PRG4: variants seen among roughly 807,000 people sequenced by gnomAD.
The protein encoded by PRG4 is proteoglycan 4, also known as articular superficial zone protein.
In PRG4, 61 loss-of-function variants were observed where a neutral mutation model predicts 91.2. The ratio of observed to expected loss-of-function variants is 0.67; its 90% CI spans 0.54 to 0.83. The LOEUF is 0.83. Among genes scored for constraint, PRG4 ranks in the 40% least tolerant of loss-of-function variants. The pLI is 0.00. For synonymous variants in PRG4, 576 were observed against 614.2 expected (o/e 0.94, Z 0.92); for missense variants, 1,564 against 1,714.2 (o/e 0.91, Z 1.55).
At position 186,308,560 on chromosome 1, in the gene PRG4, A is replaced by C. The variant is rs1416792397; in HGVS notation, c.2841A>C (p.Lys947Asn). The C allele has an allele frequency of 1.2e-6, 2 of 1,613,662 alleles. No individual in the cohort carries two copies. The highest frequency in any genetic ancestry group is 2.2e-5 in the South Asian group (2 of 91,070). Residue 947 changes from lysine (K) to asparagine (N), a missense_variant, in exon 7 of 13, where the codon AAA (lysine) becomes AAC (asparagine). Transcript: ENST00000445192. ...MTKETATTTE[K>N]TTESKITATT... ...AAGAGACAGCAACTACAACAGAAAA[A>C]ACTACCGAATCCAAAATAACAGCTA...
intron 4 of PRG4, among the ~76,000 whole-genome samples, 188 bp downstream of exon 4, chr1:186,301,899 C>A (rs776998631): frequency 6.6e-6 from 1 of 152,138 alleles, no homozygotes; most frequent in Non-Finnish European, 1.5e-5. Context: ...AACAGCAGAA[C>A]CCCCAGGCTC....
intron 4 of PRG4, among the ~76,000 whole-genome samples, chr1:186,303,065 C>A (rs973742914): frequency 1.3e-5 from 2 of 152,130 alleles, no homozygotes; most frequent in South Asian, 2.1e-4. Flanking sequence ...AATAACCAAA[C>A]TATCTTGAGA....
chr1:186,306,646 G>C lies in PRG4; in HGVS notation c.927G>C (p.Glu309Asp), dbSNP rs1553223284. 8 of 1,613,482 alleles carry C rather than the reference G, an allele frequency of 5.0e-6. No individual in the cohort carries two copies. Among genetic ancestry groups the C allele is most frequent in the Non-Finnish European group, 5.9e-6 (7 of 1,179,690 alleles). ...DGKEKTTSAKETQSIEKTSAK... is the reference protein window; with the variant it reads ...DGKEKTTSAKDTQSIEKTSAK... ...AAGAGAAGACTACTTCCGCTAAAGA[G>C]ACACAAAGTATAGAGAAAACATCTG... The change falls in exon 7 of 13, where the codon GAG (glutamate) becomes GAC (aspartate). Residue 309 changes from glutamate (E) to aspartate (D), a missense_variant. Physicochemically the swap from Glu to Asp is conservative, Grantham distance 45. Coordinates refer to ENST00000445192, the MANE Select transcript of PRG4 (RefSeq NM_005807.6).
rs1656860570 is a variant in PRG4 at position 186,308,028 on chromosome 1, C to T, written c.2309C>T (p.Pro770Leu). 6.2e-7 allele frequency: 1 copy of T among 1,610,472 alleles called. No homozygotes were observed. The highest frequency in any genetic ancestry group is 1.7e-5 in the Admixed American group (1 of 59,190). Residue 770 changes from proline (P) to leucine (L), a missense_variant, in exon 7 of 13, where the codon CCT becomes CTT. Pro to Leu is a moderately conservative substitution (Grantham distance 98). Coordinates refer to ENST00000445192, the MANE Select transcript of PRG4 (RefSeq NM_005807.6). The part of the protein sequence containing the change: ...TTPKEPAPTT[P>L]KEPAPTTPKG... ...CCTAAGGAGCCTGCTCCAACTACCC[C>T]TAAGGAGCCTGCTCCAACTACCCCT...
In PRG4 at chr1:186,308,342, G is replaced by C; in HGVS notation, c.2623G>C (p.Glu875Gln). Residue 875 changes from glutamate (E) to glutamine (Q), a missense_variant, in exon 7 of 13, where the codon GAA (glutamate) becomes CAA (glutamine). This residue lies in a region of PRG4 where 1,079 missense variants were observed against 1,162.2 expected (regional missense o/e 0.93). Coordinates refer to ENST00000445192, the MANE Select transcript of PRG4 (RefSeq NM_005807.6). ...EPTTIHKSPD[E>Q]STPELSAEPT... ...TACCACTATCCACAAAAGCCCTGAT[G>C]AATCAACTCCTGAGCTTTCTGCAGA... 6.2e-7 allele frequency: 1 copy of C among 1,613,950 alleles called. No homozygotes were observed. The highest frequency in any genetic ancestry group is 1.1e-5 in the South Asian group (1 of 91,074).
chr1:186,299,899 A>C (rs971527484), intron 2 of PRG4, among the ~76,000 whole-genome samples, 192 bp from the exon 3 acceptor site: 16 of 152,210 alleles, frequency 1.1e-4, no homozygotes, highest in African/African-American at 3.9e-4. Flanking sequence ...AGTCTAGTGA[A>C]GAATAAAGTG....
At chr1:186,310,067 A>G (rs980426845) in intron 8 of PRG4, among the ~76,000 whole-genome samples, 197 bp downstream of exon 8, 4 of 142,156 alleles carry the variant, frequency 2.8e-5, no homozygotes, top group African/African-American at 5.1e-5. Flanking sequence ...AAACAAAACC[A>G]AGACCCTGAA....
chr1:186,309,654 T>G (rs185241575), intron 7 of PRG4, 139 bp from the exon 8 acceptor site: 3 of 688,504 alleles, frequency 4.4e-6, no homozygotes, highest in African/African-American at 1.8e-5. Context: ...TATATAACTA[T>G]GCAAACAGGT....
Position 186,296,986 on chromosome 1 carries a change from A to G in PRG4, c.76+35A>G, listed in dbSNP as rs755857023. 10 of 1,522,164 alleles carry G rather than the reference A, an allele frequency of 6.6e-6. No individual in the cohort carries two copies. In the South Asian group the frequency reaches 7.9e-5, roughly 12 times the overall value. The allele number at this position is 1,522,164 out of a possible 1,614,324, so 94.3% of individuals were successfully genotyped here. ...CCATCGAACATACTTTTATTTAACA[A>G]CTATTGCTAATCATTCAGTCTTGAT... On this transcript the variant is annotated intron_variant, in intron 2 of 12. Coordinates refer to ENST00000445192, the MANE Select transcript of PRG4 (RefSeq NM_005807.6).
At chr1:186,305,232 C>A (rs1656482024) in intron 6 of PRG4, among the ~76,000 whole-genome samples, 1 of 152,172 alleles carries the variant, frequency 6.6e-6, no homozygotes, top group Non-Finnish European at 1.5e-5. Flanking sequence ...CATTTTGCTT[C>A]TTCTCCTTCA....
At chr1:186,301,537 C>T (rs1034781813) in intron 3 of PRG4, 55 bp from the exon 4 acceptor site, 103 of 1,610,716 alleles carry the variant, frequency 6.4e-5, no homozygotes, top group Middle Eastern at 3.9e-4. Flanking sequence ...CTGTCAAATA[C>T]GTGGGCCTGG....
Position 186,309,091 on chromosome 1 carries a change from C to T in PRG4, c.3372C>T (p.Tyr1124=). The change falls in exon 7 of 13, where the codon TAC becomes TAT. Residue 1124 remains tyrosine, a synonymous_variant. Transcript: ENST00000445192. ...CTGAAGTTACTCCCGACATGGATTA[C>T]TTACCGAGAGTACCCAATCAAGGCA... is the stretch of plus-strand genomic sequence containing the variant. The part of the protein sequence containing the change: ...FMPEVTPDMD[Y]LPRVPNQGII... 1.2e-6 allele frequency: 2 copies of T among 1,614,028 alleles called. No individual in the cohort carries two copies.
At position 186,306,545 on chromosome 1, in the gene PRG4, T is replaced by C; in HGVS notation, c.826T>C (p.Leu276=). Reference sequence around the variant, plus strand: ...TTCTGATACATCTAAAGAGACGTCTTTGACAGTGAATAAAGAGACAACAGT... The same window carrying C: ...TTCTGATACATCTAAAGAGACGTCTCTGACAGTGAATAAAGAGACAACAGT... The part of the protein sequence containing the change: ...PNSDTSKETS[L]TVNKETTVET... The change falls in exon 7 of 13, where the codon TTG becomes CTG. Residue 276 remains leucine (L), a synonymous_variant. Transcript: ENST00000445192. The C allele has an allele frequency of 1.9e-6, 3 of 1,613,244 alleles. No individual in the cohort carries two copies. The highest frequency in any genetic ancestry group is 2.2e-5 in the South Asian group (2 of 91,078).
Position 186,314,541 on chromosome 1 carries a change from T to A in PRG4, c.*763T>A. 2 of 1,010,400 alleles carry A rather than the reference T, an allele frequency of 2.0e-6. No individual in the cohort carries two copies. Among genetic ancestry groups the A allele is most frequent in the Non-Finnish European group, 2.8e-6 (2 of 702,652 alleles). 62.6% of individuals were successfully genotyped at this position (1,010,400 alleles called of 1,614,324 possible). ...ATAAAACTTTGGAACATTAAAAAAA[T>A]AAATTGGAGGCTTAAGGATTAGAAA... is the stretch of plus-strand genomic sequence containing the variant. On this transcript the variant is annotated 3_prime_UTR_variant, in exon 13 of 13. Coordinates refer to ENST00000445192, the MANE Select transcript of PRG4 (RefSeq NM_005807.6).
chr1:186,301,462 A>G, intron 3 of PRG4, 130 bp from the exon 4 acceptor site: 1 of 1,353,230 alleles, frequency 7.4e-7, no homozygotes, highest in Admixed American at 2.0e-5. Context: ...ATGTACTCCA[A>G]ATTTCAAATA....
Position 186,297,102 on chromosome 1 carries a change from C to A in PRG4, c.76+151C>A, listed in dbSNP as rs1223291533. 1.8e-5 allele frequency: 13 copies of A among 708,358 alleles called. No homozygotes were observed. In the Admixed American group the frequency reaches 3.1e-4, roughly 17 times the overall value. 43.9% of individuals were successfully genotyped at this position (708,358 alleles called of 1,614,324 possible). ...CTTAAAATAATATATAACATGTAGC[C>A]TGTTTGTAAGTGCTTTGGAATTCTC... is the stretch of plus-strand genomic sequence containing the variant. On this transcript the variant is annotated intron_variant, in intron 2 of 12. Transcript: ENST00000445192.
chr1:186,310,884 C>A, intron 8 of PRG4, 150 bp from the exon 9 acceptor site: 1 of 831,356 alleles, frequency 1.2e-6, no homozygotes, highest in Non-Finnish European at 1.9e-6. Flanking sequence ...GAAATACCTG[C>A]TCTCAGAAAT....
At chr1:186,299,826 G>T (rs1433306831) in intron 2 of PRG4, among the ~76,000 whole-genome samples, 1 of 152,152 alleles carries the variant, frequency 6.6e-6, no homozygotes, top group Non-Finnish European at 1.5e-5. Flanking sequence ...TTCCTTAGGA[G>T]TATCACCCTC....
chr1:186,302,531 TATC>T (rs1656291715), intron 4 of PRG4, among the ~76,000 whole-genome samples: 1 of 152,258 alleles, frequency 6.6e-6, no homozygotes, highest in South Asian at 2.1e-4. Flanking sequence ...TAATCAATCT[TATC>T]ATTTTATTTA....
Sources: allele counts gnomAD v4.1 joint callset (sites outside exome capture counted in the v4.1 genomes callset), GRCh38; gene constraint gnomAD v4.1.1; regional missense constraint gnomAD v4.1.1; transcripts MANE v1.5; gene names NCBI Gene and HGNC (gene_info 2026-07-23, HGNC 2026-07-21).